Variants in PAGE2B observed in about 807,000 individuals in gnomAD.
PAGE2B encodes PAGE family member 2B.
A neutral mutation model predicts 7.6 loss-of-function variants in PAGE2B; 5 were observed. The ratio of observed to expected loss-of-function variants is 0.66; its 90% CI spans 0.34 to 1.38. PAGE2B has a LOEUF of 1.38. Among genes scored for constraint, PAGE2B ranks in the 40% most tolerant of loss-of-function variants. PAGE2B has a pLI of 0.04. For missense variants in PAGE2B, 70 were observed against 78.4 expected (o/e 0.89, Z 0.41); for synonymous variants, 29 against 26.7 (o/e 1.09, Z -0.27).
the PAGE2B span, among the ~76,000 whole-genome samples, chrX:55,043,637 A>G: frequency 9.0e-6 from 1 of 111,533 alleles, no homozygotes; most frequent in Non-Finnish European, 1.9e-5. Flanking sequence ...ATGTGATACC[A>G]CCTTACTCCT....
upstream of PAGE2B, among the ~76,000 whole-genome samples, chrX:55,074,637 A>C (rs1204990842): frequency 8.0e-5 from 9 of 112,571 alleles, no homozygotes; most frequent in Non-Finnish European, 1.7e-4. Flanking sequence ...TGGGTTAGAC[A>C]ATTGCAAGCA....
chrX:55,036,980 C>G, the PAGE2B span, among the ~76,000 whole-genome samples: 1 of 110,813 alleles, frequency 9.0e-6, no homozygotes, highest in Non-Finnish European at 1.9e-5. Context: ...CCATTCAGGA[C>G]ATAGGCATGG....
chrX:55,057,347 T>C, the PAGE2B span, among the ~76,000 whole-genome samples: 1 of 112,072 alleles, frequency 8.9e-6, no homozygotes, highest in African/African-American at 3.2e-5. Context: ...CAAGACTGTA[T>C]GGAGGATGGG....
intron 3 of PAGE2B, among the ~76,000 whole-genome samples, 154 bp downstream of exon 3, chrX:55,076,831 C>T (rs62626570): frequency 0.029 from 3,186 of 111,474 alleles, 50 homozygotes; most frequent in Non-Finnish European, 0.042. Context: ...GACAAGGACG[C>T]ATAAAAAGCC....
the PAGE2B span, among the ~76,000 whole-genome samples, chrX:55,032,643 T>A: frequency 9.0e-6 from 1 of 111,597 alleles, no homozygotes; most frequent in Admixed American, 9.5e-5. Context: ...ATTGTGAGGA[T>A]GAGATGAGAA....
the PAGE2B span, among the ~76,000 whole-genome samples, chrX:55,040,555 C>G: frequency 9.0e-6 from 1 of 111,125 alleles, no homozygotes; most frequent in African/African-American, 3.3e-5. Context: ...AAGCCAGTCA[C>G]AAAGGATGAA....
chrX:55,056,585 T>C, the PAGE2B span, among the ~76,000 whole-genome samples: 40,625 of 108,839 alleles, frequency 0.37, 6,995 homozygotes, highest in Non-Finnish European at 0.51. Flanking sequence ...AGGTTGGGGA[T>C]TGGAGTGATG....
At chrX:55,072,578 C>T (rs940180538), upstream of PAGE2B, among the ~76,000 whole-genome samples, 1 of 112,653 alleles carries the variant, frequency 8.9e-6, no homozygotes, top group East Asian at 2.8e-4. Context: ...AGAGCTCAAG[C>T]ACTGTGCTGG....
At chrX:55,041,869 G>T in the PAGE2B span, among the ~76,000 whole-genome samples, 1 of 111,620 alleles carries the variant, frequency 9.0e-6, no homozygotes, top group African/African-American at 3.3e-5. Flanking sequence ...AAGGAGCTCA[G>T]ACCCGGCAGC....
At chrX:55,030,454 TGAG>T in the PAGE2B span, among the ~76,000 whole-genome samples, 1 of 111,398 alleles carries the variant, frequency 9.0e-6, no homozygotes, top group Non-Finnish European at 1.9e-5. Flanking sequence ...TCTGACCCAC[TGAG>T]CTCTGCTGTC....
chrX:55,038,318 AT>A, the PAGE2B span, among the ~76,000 whole-genome samples: 1 of 112,035 alleles, frequency 8.9e-6, no homozygotes, highest in Non-Finnish European at 1.9e-5. Context: ...CAATAAAGAA[AT>A]TTTTAAAGCA....
the PAGE2B span, among the ~76,000 whole-genome samples, chrX:55,035,713 A>G: frequency 8.9e-6 from 1 of 111,943 alleles, no homozygotes; most frequent in Non-Finnish European, 1.9e-5. Context: ...AGGTTATTTC[A>G]CCTGTCTGAA....
the PAGE2B span, among the ~76,000 whole-genome samples, chrX:55,063,934 T>A: frequency 1.2e-4 from 13 of 111,488 alleles, no homozygotes; most frequent in Non-Finnish European, 2.5e-4. Context: ...GACTTTTTTT[T>A]AATGTGTTGT....
the PAGE2B span, among the ~76,000 whole-genome samples, chrX:55,048,119 T>G: frequency 1.8e-5 from 2 of 112,092 alleles, no homozygotes; most frequent in African/African-American, 6.5e-5. Context: ...AAAGATCAGA[T>G]AGCTGTAGAT....
chrX:55,039,268 G>T, the PAGE2B span, among the ~76,000 whole-genome samples: 4 of 111,148 alleles, frequency 3.6e-5, no homozygotes, highest in Non-Finnish European at 5.6e-5. Context: ...GGTATGACAA[G>T]AATGACCCAA....
chrX:55,045,012 G>A, the PAGE2B span: 2 of 111,919 alleles, frequency 1.8e-5, no homozygotes, highest in African/African-American at 3.2e-5. Context: ...TATGTTTAGA[G>A]CTCCTGATGA....
At chrX:55,074,215 G>A (rs771812630), upstream of PAGE2B, among the ~76,000 whole-genome samples, 9 of 111,389 alleles carry the variant, frequency 8.1e-5, 1 homozygote, top group East Asian at 1.7e-3. Context: ...GAGTTAACAT[G>A]TAATATAAAA....
At chrX:55,035,996 T>C in the PAGE2B span, among the ~76,000 whole-genome samples, 1 of 111,969 alleles carries the variant, frequency 8.9e-6, no homozygotes, top group African/African-American at 3.2e-5. Flanking sequence ...TTTGTAGTTC[T>C]CCTTGAAGAA....
the PAGE2B span, among the ~76,000 whole-genome samples, chrX:55,051,286 C>G: frequency 9.0e-6 from 1 of 110,632 alleles, no homozygotes; most frequent in African/African-American, 3.3e-5. Flanking sequence ...AATTATGTGT[C>G]TTGGAGTTGC....
Sources: gnomAD v4.1 joint callset for allele counts (sites outside exome capture counted in the v4.1 genomes callset) on GRCh38, gnomAD v4.1.1 for gene constraint, MANE v1.5 for transcripts, NCBI Gene and HGNC (gene_info 2026-07-23, HGNC 2026-07-21) for gene names.